Variants in ACSS3 observed in about 807,000 individuals in gnomAD.
ACSS3 encodes acyl-CoA synthetase short chain family member 3.
In ACSS3, 64 loss-of-function variants were observed where a neutral mutation model predicts 84.2. The observed-to-expected ratio is 0.76, with a 90% confidence interval of 0.62 to 0.94. ACSS3 has a LOEUF of 0.94. Ranked by LOEUF, ACSS3 falls within the 40% of genes least tolerant of loss-of-function variation. The pLI is 0.00. For missense variants in ACSS3, 815 were observed against 867.6 expected (o/e 0.94, Z 0.76); for synonymous variants, 317 against 310.1 (o/e 1.02, Z -0.23).
At chr12:81,244,905 C>CTG (rs146316314) in intron 13 of ACSS3, among the ~76,000 whole-genome samples, 15,221 of 148,164 alleles carry the variant, frequency 0.1, 767 homozygotes, top group Non-Finnish European at 0.12. Flanking sequence ...TCTATTCAAA[C>CTG]TGTGTGTGTG....
rs777947882 is a variant in ACSS3 at position 81,143,208 on chromosome 12, G to A, written c.882G>A (p.Leu294=). The A allele has an allele frequency of 3.7e-6, 6 of 1,612,716 alleles. No individual in the cohort carries two copies. ...DCVPVLSEHP[L]YILYTSGTTG... ...TTCCTGTTCTTTCAGAACACCCACTGTATATTCTTTACACATCTGGCACAA... is the reference window on the plus strand; with the variant it reads ...TTCCTGTTCTTTCAGAACACCCACTATATATTCTTTACACATCTGGCACAA... The change falls in exon 5 of 16, where the codon CTG becomes CTA. Residue 294 remains leucine (L), a synonymous_variant. Coordinates refer to ENST00000548058, the MANE Select transcript of ACSS3 (RefSeq NM_024560.4).
Position 81,181,747 on chromosome 12 carries a change from C to CAAAAAAAAAAA in ACSS3, c.1250+6819_1250+6829dup, listed in dbSNP as rs59878486. On this transcript the variant is annotated intron_variant, in intron 8 of 15. Transcript: ENST00000548058. ...AAGCCAAAGATTTCAATCAATTAAG[C>CAAAAAAAAAAA]AAAAAAAAAAAAAAAAAAAAAGCAA... 6.8e-3 allele frequency among the ~76,000 whole-genome samples: 325 copies of CAAAAAAAAAAA among 47,886 alleles called. 2 individuals carry two copies. The highest frequency in any genetic ancestry group is 8.4e-3 in the Non-Finnish European group (232 of 27,650). 31.4% of individuals were successfully genotyped at this position (47,886 alleles called of 152,430 possible).
At chr12:81,204,071 C>A (rs1281594913) in intron 9 of ACSS3, among the ~76,000 whole-genome samples, 1 of 151,994 alleles carries the variant, frequency 6.6e-6, no homozygotes, top group Non-Finnish European at 1.5e-5. Flanking sequence ...AGAGGTCAGA[C>A]AGGAAGCACA....
chr12:81,154,547 C>CTTG (rs1350505175), intron 7 of ACSS3, among the ~76,000 whole-genome samples: 2 of 152,194 alleles, frequency 1.3e-5, no homozygotes, highest in African/African-American at 2.4e-5. Flanking sequence ...GTCTTTTAGA[C>CTTG]CTTTGCCTGC....
chr12:81,216,508 G>A (rs190549603), intron 9 of ACSS3, among the ~76,000 whole-genome samples: 70 of 152,196 alleles, frequency 4.6e-4, no homozygotes, highest in African/African-American at 1.5e-3. Context: ...AATGATAAAC[G>A]AAATAACTTT....
intron 8 of ACSS3, 26 bp from the exon 9 acceptor site, chr12:81,199,315 A>C (rs746326736): frequency 6.4e-7 from 1 of 1,568,902 alleles, no homozygotes; most frequent in Non-Finnish European, 8.7e-7. Context: ...TCCAGGAATA[A>C]TTTGAATTCA....
In ACSS3 at chr12:81,258,731, T is replaced by C. The variant is rs1422120036; in HGVS notation, c.*3809T>C. On this transcript the variant is annotated 3_prime_UTR_variant, in exon 16 of 16. Coordinates refer to ENST00000548058, the MANE Select transcript of ACSS3 (RefSeq NM_024560.4). ...GTTACATTGACAAAAGGGAAAGGTA[T>C]CTTGGGTTTCGTTTTCTCTAGTGGA... 1 of 152,058 alleles carries C rather than the reference T, an allele frequency of 6.6e-6. No homozygotes were observed. Among genetic ancestry groups the C allele is most frequent in the Non-Finnish European group, 1.5e-5 (1 of 67,998 alleles). 9.4% of individuals were successfully genotyped at this position (152,058 alleles called of 1,614,324 possible).
At chr12:81,107,477 C>T (rs554055468) in intron 1 of ACSS3, among the ~76,000 whole-genome samples, 1 of 92,874 alleles carries the variant, frequency 1.1e-5, no homozygotes, top group South Asian at 3.6e-4. Context: ...GTTTCCCTGC[C>T]AGAAATGTTT....
intron 8 of ACSS3, among the ~76,000 whole-genome samples, chr12:81,197,880 G>C (rs2031910887): frequency 6.6e-6 from 1 of 151,952 alleles, no homozygotes; most frequent in Non-Finnish European, 1.5e-5. Flanking sequence ...CTAGTCTAGA[G>C]TTTACAGGCA....
At chr12:81,213,793 T>C (rs1314402721) in intron 9 of ACSS3, among the ~76,000 whole-genome samples, 7 of 30,858 alleles carry the variant, frequency 2.3e-4, no homozygotes, top group Admixed American at 9.8e-4. Context: ...TCTCTTCTCT[T>C]TTCTCTTCTC....
At chr12:81,213,957 CTCTTTCTTTCTT>C (rs59556127) in intron 9 of ACSS3, among the ~76,000 whole-genome samples, 1,566 of 48,960 alleles carry the variant, frequency 0.032, 48 homozygotes, top group East Asian at 0.16. Flanking sequence ...CTCCCTCTCT[CTCTTTCTTTCTT>C]TCTTTCTTTC....
chr12:81,156,305 G>A lies in ACSS3; in HGVS notation c.1098+4209G>A, dbSNP rs1338458501. On this transcript the variant is annotated intron_variant, in intron 7 of 15. Transcript: ENST00000548058. Reference sequence around the variant, plus strand: ...ATAAAATTTTGGAGGACACAACTAAGGCAGTTCTGAGAGGGAAATTTATAG... The same window carrying A: ...ATAAAATTTTGGAGGACACAACTAAAGCAGTTCTGAGAGGGAAATTTATAG... Among the ~76,000 whole-genome samples the A allele has an allele frequency of 2.0e-5, 3 of 151,490 alleles. No individual in the cohort carries two copies. In the South Asian group the frequency reaches 6.3e-4, roughly 32 times the overall value.
At chr12:81,145,135 C>T (rs1169944167) in intron 5 of ACSS3, among the ~76,000 whole-genome samples, 1 of 140,194 alleles carries the variant, frequency 7.1e-6, no homozygotes, top group Non-Finnish European at 1.5e-5. Context: ...CCAGGATGGT[C>T]CTAATCTCCT....
At chr12:81,114,151 A>G (rs1361594219) in intron 2 of ACSS3, among the ~76,000 whole-genome samples, 2 of 152,080 alleles carry the variant, frequency 1.3e-5, no homozygotes, top group Admixed American at 6.6e-5. Flanking sequence ...CATTTGAGCA[A>G]TTTTCATGAA....
In ACSS3 at chr12:81,135,016, A is replaced by C; in HGVS notation, c.645+12A>C. 1 of 1,558,554 alleles carries C rather than the reference A, an allele frequency of 6.4e-7. No homozygotes were observed. The highest frequency in any genetic ancestry group is 8.7e-7 in the Non-Finnish European group (1 of 1,147,364). ...TTGATCATGTAAAGGTAAGTGCTTT[A>C]TTTTGGGAAATCAAGTAGTAGCTAT... On this transcript the variant is annotated intron_variant, in intron 3 of 15. Transcript: ENST00000548058.
chr12:81,176,682 A>C (rs1163661571), intron 8 of ACSS3, among the ~76,000 whole-genome samples: 1 of 152,138 alleles, frequency 6.6e-6, no homozygotes, highest in African/African-American at 2.4e-5. Flanking sequence ...AATAAAAAAA[A>C]CCTACCAACC....
At chr12:81,079,589 C>T (rs1880842795) in intron 1 of ACSS3, among the ~76,000 whole-genome samples, 1 of 152,186 alleles carries the variant, frequency 6.6e-6, no homozygotes, top group Non-Finnish European at 1.5e-5. Context: ...GAGCACCTTG[C>T]CCCTTCCTAT....
At position 81,257,527 on chromosome 12, in the gene ACSS3, A is replaced by C. The variant is rs964144492; in HGVS notation, c.*2605A>C. On this transcript the variant is annotated 3_prime_UTR_variant, in exon 16 of 16. Coordinates refer to ENST00000548058, the MANE Select transcript of ACSS3 (RefSeq NM_024560.4). ...GGTCTTCGTTTGGTATTTTCATAGGATTTCTTACTGTTAAGTTATTGGAAA... is the reference window on the plus strand; with the variant it reads ...GGTCTTCGTTTGGTATTTTCATAGGCTTTCTTACTGTTAAGTTATTGGAAA... 2.0e-5 allele frequency: 3 copies of C among 152,082 alleles called. No homozygotes were observed. Among genetic ancestry groups the C allele is most frequent in the Non-Finnish European group, 4.4e-5 (3 of 68,004 alleles). 9.4% of individuals were successfully genotyped at this position (152,082 alleles called of 1,614,324 possible).
chr12:81,222,622 T>C lies in ACSS3; in HGVS notation c.1514+2546T>C, dbSNP rs367948214. Among the ~76,000 whole-genome samples the C allele has an allele frequency of 1.5e-4, 23 of 152,146 alleles. No individual in the cohort carries two copies. The South Asian group carries it at 2.5e-3, about 16-fold the overall frequency. ...TGTGTAGGTTCATATTTAGAAATAGTAATATGTGGAAACAAACAAACAAGT... is the reference window on the plus strand; with the variant it reads ...TGTGTAGGTTCATATTTAGAAATAGCAATATGTGGAAACAAACAAACAAGT... On this transcript the variant is annotated intron_variant, in intron 11 of 15. Transcript: ENST00000548058.
Sources: gnomAD v4.1 joint callset for allele counts (sites outside exome capture counted in the v4.1 genomes callset) on GRCh38, gnomAD v4.1.1 for gene constraint, MANE v1.5 for transcripts, NCBI Gene and HGNC (gene_info 2026-07-23, HGNC 2026-07-21) for gene names.